The following BCAS3 variants were observed in gnomAD, a reference collection of about 807,000 sequenced individuals.
BCAS3 encodes the protein BCAS4/BCAS3 fusion.
In BCAS3, 53 loss-of-function variants were observed where a neutral mutation model predicts 116.1. That is an observed-to-expected ratio of 0.46 (90% CI 0.37 to 0.57). The LOEUF (loss-of-function observed/expected upper bound fraction) is 0.57. BCAS3 is among the 20% of genes least tolerant of loss of function. BCAS3 has a pLI of 0.00. For synonymous variants in BCAS3, 391 were observed against 408.2 expected (o/e 0.96, Z 0.51); for missense variants, 917 against 1,165.4 (o/e 0.79, Z 3.10).
At chr17:60,840,816 C>G (rs1247466237) in intron 7 of BCAS3, among the ~76,000 whole-genome samples, 1 of 152,010 alleles carries the variant, frequency 6.6e-6, no homozygotes, top group Non-Finnish European at 1.5e-5. Context: ...AGGTTAACCT[C>G]AATTAATTAA....
intron 5 of BCAS3, among the ~76,000 whole-genome samples, chr17:60,740,504 A>T (rs2041437305): frequency 6.6e-6 from 1 of 151,478 alleles, no homozygotes. Flanking sequence ...GTCTCAAAAA[A>T]AAAAAAAAAA....
At chr17:60,716,411 G>A (rs1437829506) in intron 5 of BCAS3, among the ~76,000 whole-genome samples, 2 of 152,180 alleles carry the variant, frequency 1.3e-5, no homozygotes, top group African/African-American at 4.8e-5. Flanking sequence ...CAGAGGCTCT[G>A]AGATGAAAGC....
intron 13 of BCAS3, among the ~76,000 whole-genome samples, chr17:60,937,685 G>T (rs1342965240): frequency 6.6e-6 from 1 of 152,124 alleles, no homozygotes; most frequent in Non-Finnish European, 1.5e-5. Flanking sequence ...GATACAGATT[G>T]TTCTCCATGA....
chr17:61,272,070 A>G (rs1484598021), intron 22 of BCAS3, among the ~76,000 whole-genome samples: 1 of 152,092 alleles, frequency 6.6e-6, no homozygotes. Flanking sequence ...TGGGCCTCCA[A>G]AAGTGCTGGA....
In BCAS3 at chr17:61,377,030, A is replaced by G. The variant is rs1197380905; in HGVS notation, c.2593+8536A>G. ...GATTAAAGCCCCAGAGGAGGCCACA[A>G]TACTGAACGGTGGGTCTGTTTCTCT... On this transcript the variant is annotated intron_variant, in intron 23 of 23. Transcript: ENST00000407086. This position sits in a 1 kb window ranked among gnomAD's most constrained non-coding sequence, Gnocchi z 4.6. 6.6e-6 allele frequency among the ~76,000 whole-genome samples: 1 copy of G among 152,178 alleles called. No individual in the cohort carries two copies. The highest frequency in any genetic ancestry group is 2.4e-5 in the African/African-American group (1 of 41,434).
rs147947020 is a variant in BCAS3 at position 61,228,694 on chromosome 17, A to G, written c.2426-139633A>G. ...CCATGTAAAACAGCAAACTTAATAA[A>G]TGTTTTGCGTTCTGACTGCTCCACT... On this transcript the variant is annotated intron_variant, in intron 22 of 23. Transcript: ENST00000407086. The surrounding 1 kb of genome is among the most constrained non-coding windows in gnomAD (Gnocchi z 5.0). Among the ~76,000 whole-genome samples, 1,309 of 152,266 alleles carry G rather than the reference A, an allele frequency of 8.6e-3. 20 individuals are homozygous for G. The highest frequency in any genetic ancestry group is 0.03 in the African/African-American group (1,247 of 41,554).
At chr17:60,924,702 G>T (rs1236963048) in intron 13 of BCAS3, among the ~76,000 whole-genome samples, 1 of 151,834 alleles carries the variant, frequency 6.6e-6, no homozygotes, top group East Asian at 1.9e-4. Context: ...AATTGGTTTT[G>T]TTCTCGATAA....
intron 6 of BCAS3, among the ~76,000 whole-genome samples, chr17:60,749,831 A>T (rs1448165093): frequency 6.6e-6 from 1 of 152,210 alleles, no homozygotes; most frequent in Non-Finnish European, 1.5e-5. Context: ...ATCAGGACAA[A>T]GTAAGATTTA....
chr17:60,982,312 A>G lies in BCAS3; in HGVS notation c.1222-7659A>G, dbSNP rs80074950. On this transcript the variant is annotated intron_variant, in intron 14 of 23. Transcript: ENST00000407086. ...ATAATCCATATTTTTTAAATTAATT[A>G]ATTTATTTTACAGATTGGGGGTCTC... 3.2e-3 allele frequency among the ~76,000 whole-genome samples: 494 copies of G among 152,064 alleles called. 4 individuals are homozygous for G. The highest frequency in any genetic ancestry group is 0.012 in the African/African-American group (484 of 41,488).
In BCAS3 at chr17:61,366,330, C is replaced by T. The variant is rs559721728; in HGVS notation, c.2426-1997C>T. Among the ~76,000 whole-genome samples, 12 of 152,330 alleles carry T rather than the reference C, an allele frequency of 7.9e-5. No individual in the cohort carries two copies. The highest frequency in any genetic ancestry group is 2.6e-4 in the Admixed American group (4 of 15,302). On this transcript the variant is annotated intron_variant, in intron 22 of 23. Transcript: ENST00000407086. This position sits in a 1 kb window ranked among gnomAD's most constrained non-coding sequence, Gnocchi z 4.5. ...GTGGGGACTTTGCTTAATCTCTTCA[C>T]TCCTGTGAGACAGGGCAAAGGGTTA...
intron 7 of BCAS3, among the ~76,000 whole-genome samples, chr17:60,854,439 G>C (rs1188687027): frequency 2.6e-5 from 4 of 152,066 alleles, no homozygotes; most frequent in South Asian, 4.1e-4. Context: ...GGGTCAAATG[G>C]TATTTCTAGT....
chr17:61,187,546 G>T (rs567475196), intron 22 of BCAS3, among the ~76,000 whole-genome samples: 2 of 152,124 alleles, frequency 1.3e-5, no homozygotes, highest in African/African-American at 4.8e-5. Context: ...TAAATAAATA[G>T]AATTTTAAAA....
At position 61,105,461 on chromosome 17, in the gene BCAS3, G is replaced by A. The variant is rs993114722; in HGVS notation, c.2425+20897G>A. Among the ~76,000 whole-genome samples, 1 of 152,298 alleles carries A rather than the reference G, an allele frequency of 6.6e-6. No homozygotes were observed. The highest frequency in any genetic ancestry group is 1.5e-5 in the Non-Finnish European group (1 of 68,014). ...TTTTTTGAGACAGAGTTTCGCTCTT[G>A]TTGCCCAGGCTGCAGTGCAATGGCG... On this transcript the variant is annotated intron_variant, in intron 22 of 23. Coordinates refer to ENST00000407086, the MANE Select transcript of BCAS3 (RefSeq NM_017679.5). The surrounding 1 kb of genome is among the most constrained non-coding windows in gnomAD (Gnocchi z 4.3).
At chr17:60,791,850 C>T (rs1013782187) in intron 6 of BCAS3, among the ~76,000 whole-genome samples, 48 of 151,986 alleles carry the variant, frequency 3.2e-4, no homozygotes, top group African/African-American at 7.5e-4. Flanking sequence ...CCTGGCTGGG[C>T]GCAGTGGCTC....
intron 22 of BCAS3, among the ~76,000 whole-genome samples, chr17:61,194,833 C>G (rs576036857): frequency 1.3e-5 from 2 of 152,064 alleles, no homozygotes; most frequent in Non-Finnish European, 2.9e-5. Context: ...ACTGAAAATG[C>G]CTATATTAGG....
intron 5 of BCAS3, among the ~76,000 whole-genome samples, chr17:60,715,409 C>CT (rs144121894): frequency 0.044 from 6,642 of 151,942 alleles, 529 homozygotes; most frequent in African/African-American, 0.15. Context: ...CGTGTATACT[C>CT]TTTCTTTCAT....
intron 7 of BCAS3, chr17:60,811,407 T>C: frequency 1.6e-6 from 1 of 614,726 alleles, no homozygotes; most frequent in Non-Finnish European, 3.0e-6. Context: ...TCTCCCAGGA[T>C]AGTGGATGGC....
chr17:61,372,343 G>A (rs531058314), intron 23 of BCAS3, among the ~76,000 whole-genome samples: 2 of 152,266 alleles, frequency 1.3e-5, no homozygotes, highest in Non-Finnish European at 2.9e-5. Flanking sequence ...GTCCTTAGGC[G>A]TATTTCTCAA....
At chr17:60,914,031 A>G (rs1231725084) in intron 12 of BCAS3, among the ~76,000 whole-genome samples, 2 of 152,158 alleles carry the variant, frequency 1.3e-5, no homozygotes, top group Non-Finnish European at 1.5e-5. Context: ...AATCTGAGCT[A>G]TTTCTTGCCT....
Sources: allele counts gnomAD v4.1 joint callset (sites outside exome capture counted in the v4.1 genomes callset), GRCh38; gene constraint gnomAD v4.1.1; non-coding constraint Gnocchi (gnomAD v3.1); transcripts MANE v1.5; gene names NCBI Gene and HGNC (gene_info 2026-07-23, HGNC 2026-07-21).